The following MYH10 variants were observed in gnomAD, a reference collection of about 807,000 sequenced individuals.
The protein encoded by MYH10 is myosin-10.
In MYH10, 55 loss-of-function variants were observed where a neutral mutation model predicts 257.8. That is an observed-to-expected ratio of 0.21 (90% confidence interval 0.17 to 0.27). The LOEUF (loss-of-function observed/expected upper bound fraction) is 0.27, where lower values mean the gene tolerates loss of function less well. Ranked by LOEUF, MYH10 falls within the 10% of genes least tolerant of loss-of-function variation. MYH10 has a pLI of 1.00. For synonymous variants in MYH10, 854 were observed against 921.7 expected (o/e 0.93, Z 1.33); for missense variants, 1,631 against 2,500.6 (o/e 0.65, Z 7.42).
Position 8,562,099 on chromosome 17 carries a change from T to C in MYH10, c.756+7621A>G, listed in dbSNP as rs1227745763. On this transcript the variant is annotated intron_variant, in intron 7 of 42. Coordinates refer to ENST00000360416, the MANE Select transcript of MYH10 (RefSeq NM_001256012.3). Reference sequence around the variant, plus strand: ...TTATGAAGTTGAAAATTATCAACTTTCTAGCTAAATGACACTCATACTCAG... The same window carrying C: ...TTATGAAGTTGAAAATTATCAACTTCCTAGCTAAATGACACTCATACTCAG... Among the ~76,000 whole-genome samples the C allele has an allele frequency of 2.0e-5, 3 of 152,374 alleles. No homozygotes were observed. In the East Asian group the frequency reaches 5.8e-4, roughly 29 times the overall value.
intron 4 of MYH10, among the ~76,000 whole-genome samples, chr17:8,579,439 G>A (rs945557584): frequency 6.6e-6 from 1 of 152,150 alleles, no homozygotes; most frequent in African/African-American, 2.4e-5. Flanking sequence ...GTGACCAACT[G>A]TTTGCCTCAG....
Position 8,569,707 on chromosome 17 carries a change from C to CT in MYH10, c.756+12dup. 6.4e-7 allele frequency: 1 copy of CT among 1,571,462 alleles called. No homozygotes were observed. On this transcript the variant is annotated intron_variant, in intron 7 of 42. Transcript: ENST00000360416. This position sits in a 1 kb window ranked among gnomAD's most constrained non-coding sequence, Gnocchi z 4.1. ...TCTAAGGAATTAAAAGCTTCTGGTG[C>CT]TTTGAAACTTACAAAACGAGATGAG...
chr17:8,550,519 G>A (rs1436222731), intron 9 of MYH10, among the ~76,000 whole-genome samples: 4 of 151,388 alleles, frequency 2.6e-5, no homozygotes, highest in Non-Finnish European at 5.9e-5. Context: ...AGGGAGGTGG[G>A]GGGGACAGCC....
chr17:8,523,000 T>C (rs2081708828), intron 17 of MYH10, among the ~76,000 whole-genome samples: 1 of 152,242 alleles, frequency 6.6e-6, no homozygotes, highest in Non-Finnish European at 1.5e-5. Context: ...ATTTCTCTTC[T>C]GCTTTTCCTG....
intron 17 of MYH10, among the ~76,000 whole-genome samples, chr17:8,526,646 G>C (rs2081857104): frequency 6.6e-6 from 1 of 152,100 alleles, no homozygotes; most frequent in Non-Finnish European, 1.5e-5. Context: ...GAGAGAAAAT[G>C]CAACGTGTCG....
chr17:8,583,313 C>T (rs1228512290), intron 4 of MYH10, among the ~76,000 whole-genome samples: 1 of 152,116 alleles, frequency 6.6e-6, no homozygotes, highest in Admixed American at 6.5e-5. Flanking sequence ...GAAAGTGAGA[C>T]ACACATCTAA....
At chr17:8,576,540 T>G in intron 6 of MYH10, 103 bp downstream of exon 6, 1 of 1,151,476 alleles carries the variant, frequency 8.7e-7, no homozygotes, top group Non-Finnish European at 1.2e-6. Context: ...TAATGACAGA[T>G]TTCACTTAGA....
Position 8,495,190 on chromosome 17 carries a change from T to C in MYH10, c.4003A>G (p.Ile1335Val), listed in dbSNP as rs199778027. 55 of 1,613,502 alleles carry C rather than the reference T, an allele frequency of 3.4e-5. 1 individual carries two copies. In the East Asian group the frequency reaches 1.2e-3, roughly 35 times the overall value. ...CTAGCTGCATCCTTAGCAAATTTAATACCCTTCTTCTCTGCTTCTTCCAGA... is the reference window on the plus strand; with the variant it reads ...CTAGCTGCATCCTTAGCAAATTTAACACCCTTCTTCTCTGCTTCTTCCAGA... ...TLLEEAEKKGIKFAKDAASLE... is the reference protein window; with the variant it reads ...TLLEEAEKKGVKFAKDAASLE... The change falls in exon 31 of 43, where the codon ATT (isoleucine) becomes GTT (valine). Residue 1335 changes from isoleucine to valine, a missense_variant. This residue lies in a region of MYH10 where 463 missense variants were observed against 621.8 expected (regional missense o/e 0.74). Transcript: ENST00000360416.
chr17:8,571,896 C>G (rs1199290104), intron 6 of MYH10, among the ~76,000 whole-genome samples: 1 of 150,636 alleles, frequency 6.6e-6, no homozygotes, highest in Non-Finnish European at 1.5e-5. Context: ...GGTATACTCA[C>G]TTTGCATTAA....
intron 21 of MYH10, among the ~76,000 whole-genome samples, chr17:8,518,148 T>TGTGTGTGTGTGTGTG (rs1597719659): frequency 1.7e-5 from 2 of 119,946 alleles, no homozygotes; most frequent in Admixed American, 8.9e-5. Flanking sequence ...TGTGTGTGTG[T>TGTGTGTGTGTGTGTG]TTGAGATAGG....
rs796337844 is a variant in MYH10, at chr17:8,524,029, G to A, written c.1958-2744C>T. 5.3e-5 allele frequency among the ~76,000 whole-genome samples: 8 copies of A among 152,274 alleles called. No homozygotes were observed. In the South Asian group the frequency reaches 1.7e-3, roughly 32 times the overall value. On this transcript the variant is annotated intron_variant, in intron 17 of 42. Transcript: ENST00000360416. ...GAAAATTCCAGTCTGCTGCTAGGAAGAGAGGTTGGAACTAGAAAGGTAAAT... is the reference window on the plus strand; with the variant it reads ...GAAAATTCCAGTCTGCTGCTAGGAAAAGAGGTTGGAACTAGAAAGGTAAAT...
intron 2 of MYH10, among the ~76,000 whole-genome samples, chr17:8,606,197 A>C (rs371607793): frequency 6.6e-6 from 1 of 151,940 alleles, no homozygotes. Flanking sequence ...CAATACTATC[A>C]ATTACACAGA....
At chr17:8,561,390 T>G in intron 7 of MYH10, 1 of 1,074,474 alleles carries the variant, frequency 9.3e-7, no homozygotes, top group Non-Finnish European at 1.4e-6. Context: ...AGGGGCATTC[T>G]GAAGCAAGTG....
At chr17:8,518,605 C>A (rs139628392) in intron 21 of MYH10, 26 bp downstream of exon 21, 1 of 1,601,494 alleles carries the variant, frequency 6.2e-7, no homozygotes, top group Non-Finnish European at 8.5e-7. Flanking sequence ...CCTCAGTGAA[C>A]GATTAATTCG....
In MYH10 at chr17:8,535,310, T is replaced by C. The variant is rs2151933250; in HGVS notation, c.1894+77A>G. 3 of 1,071,072 alleles carry C rather than the reference T, an allele frequency of 2.8e-6. No homozygotes were observed. The highest frequency in any genetic ancestry group is 4.1e-6 in the Non-Finnish European group (3 of 729,556). The allele number at this position is 1,071,072 out of a possible 1,614,324, so 66.3% of individuals were successfully genotyped here. On this transcript the variant is annotated intron_variant, in intron 16 of 42. Transcript: ENST00000360416. The surrounding 1 kb of genome is among the most constrained non-coding windows in gnomAD (Gnocchi z 4.3). ...AAGAAGTTATATGTATCCATATATA[T>C]GTAAAAGAACCATCTATAAACCTTA...
At chr17:8,602,873 C>G (rs538410153) in intron 3 of MYH10, among the ~76,000 whole-genome samples, 1 of 152,266 alleles carries the variant, frequency 6.6e-6, no homozygotes, top group Non-Finnish European at 1.5e-5. Flanking sequence ...AAATAAGACA[C>G]AAAGCCTTTA....
chr17:8,543,486 T>TG (rs1467051347), intron 13 of MYH10, among the ~76,000 whole-genome samples: 1 of 151,516 alleles, frequency 6.6e-6, no homozygotes, highest in Non-Finnish European at 1.5e-5. Flanking sequence ...GAAGGTTTTT[T>TG]TTTTTTTTTT....
intron 3 of MYH10, among the ~76,000 whole-genome samples, chr17:8,594,754 C>A (rs143633915): frequency 4.5e-4 from 69 of 152,324 alleles, no homozygotes; most frequent in Non-Finnish European, 7.1e-4. Context: ...AAATACCCTA[C>A]ACACATCCTC....
rs560235199 is a variant in MYH10, at chr17:8,539,259, A to C, written c.1605+2848T>G. On this transcript the variant is annotated intron_variant, in intron 14 of 42. Coordinates refer to ENST00000360416, the MANE Select transcript of MYH10 (RefSeq NM_001256012.3). ...GGAAAACAGACTAGGACACTCGCCA[A>C]ATAACTTCCCTAAAATACCACTTTC... Among the ~76,000 whole-genome samples, 4 of 152,346 alleles carry C rather than the reference A, an allele frequency of 2.6e-5. No homozygotes were observed. In the East Asian group the frequency reaches 5.8e-4, roughly 22 times the overall value.
Sources: allele counts gnomAD v4.1 joint callset (sites outside exome capture counted in the v4.1 genomes callset), GRCh38; gene constraint gnomAD v4.1.1; regional missense constraint gnomAD v4.1.1; non-coding constraint Gnocchi (gnomAD v3.1); transcripts MANE v1.5; gene names NCBI Gene and HGNC (gene_info 2026-07-23, HGNC 2026-07-21).